The following ANK2 variants were observed in gnomAD, a reference collection of about 807,000 sequenced individuals.
ANK2 encodes the protein ankyrin-2.
Under a neutral mutation model 360.5 loss-of-function variants are expected in ANK2, and 83 were observed. That is an observed-to-expected ratio of 0.23 (90% CI 0.19 to 0.28). The LOEUF (loss-of-function observed/expected upper bound fraction) is 0.28. Ranked by LOEUF, ANK2 falls within the 10% of genes least tolerant of loss-of-function variation. ANK2 has a pLI of 1.00. For synonymous variants in ANK2, 1,740 were observed against 1,759.5 expected, an observed-to-expected ratio of 0.99 and a Z score of 0.28; for missense variants, 4,201 against 4,795.7, an observed-to-expected ratio of 0.88 and a Z score of 3.66.
chr4:113,163,309 G>T (rs2097605839), intron 1 of ANK2, among the ~76,000 whole-genome samples: 1 of 152,044 alleles, frequency 6.6e-6, no homozygotes, highest in African/African-American at 2.4e-5. Flanking sequence ...CATGTAAATT[G>T]TCACAAATAT....
chr4:112,714,886 C>T, the ANK2 span, among the ~76,000 whole-genome samples: 1 of 152,198 alleles, frequency 6.6e-6, no homozygotes, highest in Non-Finnish European at 1.5e-5. Flanking sequence ...GTTCACTAGC[C>T]TGTAAACCTA....
chr4:112,938,498 C>G (rs1251862098), intron 2 of ANK2, among the ~76,000 whole-genome samples: 2 of 152,094 alleles, frequency 1.3e-5, no homozygotes, highest in African/African-American at 4.8e-5. Context: ...CTACTTTTAT[C>G]TAATCTTTCT....
chr4:113,145,914 A>G (rs2096814483), intron 1 of ANK2: 1 of 1,289,734 alleles, frequency 7.8e-7, no homozygotes, highest in South Asian at 1.2e-5. Flanking sequence ...GGATAAGAGC[A>G]TAAGAGCACA....
chr4:113,232,252 C>A lies in ANK2; in HGVS notation c.476C>A (p.Ala159Asp). Residue 159 changes from alanine to aspartate, a missense_variant, in exon 5 of 46, where the codon GCT becomes GAT. Ala to Asp is a moderately radical substitution (Grantham distance 126, BLOSUM62 -2). This residue lies in a region of ANK2 where 169 missense variants were observed against 191.1 expected (regional missense o/e 0.88). Transcript: ENST00000357077. The part of the protein sequence containing the change: ...LLENGANQST[A>D]TEDGFTPLAV... ...GAAAATGGAGCTAATCAGAGCACTG[C>A]TACAGAGGTAAGACTGTCAGCCCTA... 6.3e-7 allele frequency: 1 copy of A among 1,578,340 alleles called. No homozygotes were observed. Among genetic ancestry groups the A allele is most frequent in the Non-Finnish European group, 8.7e-7 (1 of 1,147,738 alleles).
At chr4:113,064,659 T>C (rs2074943268) in intron 1 of ANK2, among the ~76,000 whole-genome samples, 1 of 152,226 alleles carries the variant, frequency 6.6e-6, no homozygotes, top group Admixed American at 6.5e-5. Context: ...CCCGTGTTGT[T>C]CTTTGGGAAG....
intron 1 of ANK2, chr4:113,072,073 G>A (rs974865884): frequency 6.6e-6 from 1 of 152,128 alleles, no homozygotes; most frequent in African/African-American, 2.4e-5. Flanking sequence ...ACGACACATG[G>A]GGATTATGGG....
intron 2 of ANK2, among the ~76,000 whole-genome samples, chr4:113,001,190 G>C (rs1469973745): frequency 1.3e-5 from 2 of 152,062 alleles, no homozygotes; most frequent in Admixed American, 1.3e-4. Context: ...AATTAGCCGG[G>C]CATGTTGGCA....
chr4:113,143,020 C>T (rs780690156), intron 1 of ANK2, among the ~76,000 whole-genome samples: 33 of 146,702 alleles, frequency 2.2e-4, no homozygotes, highest in Non-Finnish European at 4.8e-4. Flanking sequence ...AAAAAAAAGA[C>T]GTTTAGGTCA....
At chr4:112,838,921 C>T (rs1343079786) in intron 1 of ANK2, among the ~76,000 whole-genome samples, 1 of 152,170 alleles carries the variant, frequency 6.6e-6, no homozygotes, top group South Asian at 2.1e-4. Context: ...TTCACTTTCT[C>T]ATAGGTTCTT....
At chr4:112,895,174 G>A (rs115329399) in intron 1 of ANK2, among the ~76,000 whole-genome samples, 1,727 of 152,234 alleles carry the variant, frequency 0.011, 33 homozygotes, top group African/African-American at 0.039. Context: ...GGAAATTTTT[G>A]TTGTGGTAAG....
chr4:112,813,690 C>T (rs2055458126), upstream of ANK2, among the ~76,000 whole-genome samples: 2 of 152,228 alleles, frequency 1.3e-5, no homozygotes, highest in Admixed American at 6.5e-5. Context: ...TGTGCACCAC[C>T]ATGCCCAGCT....
chr4:113,135,861 G>A (rs1030746264), intron 1 of ANK2, among the ~76,000 whole-genome samples: 7 of 152,050 alleles, frequency 4.6e-5, no homozygotes, highest in African/African-American at 1.4e-4. Context: ...TGACAGAATA[G>A]TAATGTGACC....
intron 1 of ANK2, among the ~76,000 whole-genome samples, chr4:113,152,548 T>C (rs2097135124): frequency 6.6e-6 from 1 of 152,206 alleles, no homozygotes; most frequent in Non-Finnish European, 1.5e-5. Context: ...CGTGTTTGAT[T>C]TTTCAAAGCT....
chr4:113,097,182 T>C (rs993970327), intron 1 of ANK2, among the ~76,000 whole-genome samples: 2 of 151,082 alleles, frequency 1.3e-5, no homozygotes, highest in African/African-American at 4.9e-5. Context: ...CTATATGATG[T>C]GACCTTTGCA....
chr4:113,172,219 A>G (rs928544100), intron 1 of ANK2, among the ~76,000 whole-genome samples: 18 of 152,288 alleles, frequency 1.2e-4, no homozygotes, highest in African/African-American at 4.1e-4. Context: ...TTTTCTCTCC[A>G]GCTGAGGCAC....
intron 2 of ANK2, among the ~76,000 whole-genome samples, chr4:112,957,649 C>T (rs530088742): frequency 4.0e-5 from 6 of 149,224 alleles, no homozygotes; most frequent in Admixed American, 6.6e-5. Flanking sequence ...GGGGGCTGAC[C>T]CCCCCACCTC....
At chr4:112,731,411 G>A in the ANK2 span, among the ~76,000 whole-genome samples, 1 of 151,374 alleles carries the variant, frequency 6.6e-6, no homozygotes, top group Admixed American at 6.6e-5. Flanking sequence ...GCATAAATAT[G>A]TACACTTTTT....
At chr4:112,755,023 A>C in the ANK2 span, among the ~76,000 whole-genome samples, 1 of 152,222 alleles carries the variant, frequency 6.6e-6, no homozygotes, top group African/African-American at 2.4e-5. Flanking sequence ...TCTTAGAAGT[A>C]GCTAATATTT....
intron 1 of ANK2, among the ~76,000 whole-genome samples, chr4:112,838,811 G>A (rs560709393): frequency 1.3e-5 from 2 of 152,342 alleles, no homozygotes; most frequent in South Asian, 2.1e-4. Context: ...AGAGGTTGCC[G>A]TGAGTCGAGA....
Sources: gnomAD v4.1 joint callset for allele counts (sites outside exome capture counted in the v4.1 genomes callset) on GRCh38, gnomAD v4.1.1 for gene constraint, gnomAD v4.1.1 regional missense constraint, MANE v1.5 for transcripts, NCBI Gene and HGNC (gene_info 2026-07-23, HGNC 2026-07-21) for gene names.